Variants in ARL13B observed in about 807,000 individuals in gnomAD.
ARL13B encodes ADP-ribosylation factor-like protein 13B.
Under a neutral mutation model 56.1 loss-of-function variants are expected in ARL13B, and 36 were observed. That is an observed-to-expected ratio of 0.64 (90% confidence interval 0.49 to 0.85). The LOEUF is 0.85. Among genes scored for constraint, ARL13B ranks in the 40% least tolerant of loss-of-function variants. The pLI is 0.00. For synonymous variants in ARL13B, 178 were observed against 171.1 expected, an observed-to-expected ratio of 1.04 and a Z score of -0.32; for missense variants, 519 against 507.1, an observed-to-expected ratio of 1.02 and a Z score of -0.23.
In ARL13B at chr3:94,055,439, C is replaced by G; in HGVS notation, c.*2176C>G. ...TACACACAAAACTTTTTTCTCTCTG[C>G]AAGTTTTTATGTATGTGGGAAAGAA... On this transcript the variant is annotated 3_prime_UTR_variant, in exon 10 of 10. Transcript: ENST00000394222. 2.2e-6 allele frequency: 1 copy of G among 452,818 alleles called. No individual in the cohort carries two copies. Among genetic ancestry groups the G allele is most frequent in the South Asian group, 1.6e-5 (1 of 64,220 alleles). 28.1% of individuals were successfully genotyped at this position (452,818 alleles called of 1,614,324 possible).
In ARL13B at chr3:94,055,665, G is replaced by T; in HGVS notation, c.*2402G>T. 1 of 450,896 alleles carries T rather than the reference G, an allele frequency of 2.2e-6. No individual in the cohort carries two copies. Among genetic ancestry groups the T allele is most frequent in the Non-Finnish European group, 4.4e-6 (1 of 224,992 alleles). The allele number at this position is 450,896 out of a possible 1,614,324, so 27.9% of individuals were successfully genotyped here. On this transcript the variant is annotated 3_prime_UTR_variant, in exon 10 of 10. Coordinates refer to ENST00000394222, the MANE Select transcript of ARL13B (RefSeq NM_001174150.2). Reference sequence around the variant, plus strand: ...TAACTGACTTCAAATATAAAACTATGCATAGAAACAACACTAGAAAGAAAT... The same window carrying T: ...TAACTGACTTCAAATATAAAACTATTCATAGAAACAACACTAGAAAGAAAT...
rs146262259 is a variant in ARL13B, at chr3:94,024,462, C to T, written c.381-10869C>T. 2.2e-3 allele frequency among the ~76,000 whole-genome samples: 328 copies of T among 152,350 alleles called. 1 individual carries two copies. The highest frequency in any genetic ancestry group is 7.3e-3 in the African/African-American group (305 of 41,582). On this transcript the variant is annotated intron_variant, in intron 3 of 9. Transcript: ENST00000394222. ...GTAGCTTTTAACAATCTTTAATTTT[C>T]ACATTCCTCAAGAACTACAACATCT... is the stretch of plus-strand genomic sequence containing the variant.
chr3:93,996,366 G>A (rs1180732556), intron 2 of ARL13B, among the ~76,000 whole-genome samples: 1 of 152,016 alleles, frequency 6.6e-6, no homozygotes, highest in Non-Finnish European at 1.5e-5. Context: ...TGAATCTCTT[G>A]ATGCTTTTTT....
intron 3 of ARL13B, among the ~76,000 whole-genome samples, chr3:94,034,302 G>T (rs574479891): frequency 2.0e-5 from 3 of 151,968 alleles, no homozygotes; most frequent in South Asian, 4.2e-4. Context: ...GGTGGGAAGG[G>T]TTCGTTAGAT....
intron 7 of ARL13B, among the ~76,000 whole-genome samples, chr3:94,046,273 T>C (rs909465403): frequency 1.1e-4 from 16 of 152,118 alleles, no homozygotes; most frequent in African/African-American, 3.6e-4. Flanking sequence ...ATCCCTTCTT[T>C]CCTCCCCTCT....
chr3:93,999,293 G>A lies in ARL13B; in HGVS notation c.130+3349G>A, dbSNP rs187497814. On this transcript the variant is annotated intron_variant, in intron 2 of 9. Transcript: ENST00000394222. ...GTATCACTTTGTCATCTAGGCTGGA[G>A]TTCGGTGGCGTGATCATAGCTCACT... is the stretch of plus-strand genomic sequence containing the variant. 1.8e-3 allele frequency among the ~76,000 whole-genome samples: 277 copies of A among 151,976 alleles called. 2 individuals are homozygous for A. In the South Asian group the frequency reaches 0.019, roughly 11 times the overall value.
intron 1 of ARL13B, among the ~76,000 whole-genome samples, chr3:93,989,104 A>T (rs1710615995): frequency 6.6e-6 from 1 of 152,190 alleles, no homozygotes; most frequent in Non-Finnish European, 1.5e-5. Flanking sequence ...TAGTACCTTG[A>T]AACCATGAGC....
At chr3:93,996,836 G>A (rs911099104) in intron 2 of ARL13B, among the ~76,000 whole-genome samples, 7 of 152,002 alleles carry the variant, frequency 4.6e-5, no homozygotes, top group Non-Finnish European at 7.4e-5. Context: ...CTGGTTCTTA[G>A]GAACCAGCCC....
chr3:93,983,426 A>T lies in ARL13B; in HGVS notation c.59+2944A>T, dbSNP rs1710307585. 3.3e-5 allele frequency among the ~76,000 whole-genome samples: 5 copies of T among 152,176 alleles called. No individual in the cohort carries two copies. In the South Asian group the frequency reaches 1.0e-3, roughly 32 times the overall value. On this transcript the variant is annotated intron_variant, in intron 1 of 9. Transcript: ENST00000394222. Reference sequence around the variant, plus strand: ...TTGGTACGGCTCCATTCATGAATCAATGAATGTGGAAATAAACTCTTGAAA... The same window carrying T: ...TTGGTACGGCTCCATTCATGAATCATTGAATGTGGAAATAAACTCTTGAAA...
Position 94,043,077 on chromosome 3 carries a change from C to A in ARL13B, c.861C>A (p.Cys287Ter). The change falls in exon 7 of 10, where the codon TGC becomes TGA. Residue 287 changes from cysteine (C) to a stop codon, truncating the protein, a stop_gained. Coordinates refer to ENST00000394222, the MANE Select transcript of ARL13B (RefSeq NM_001174150.2). LOFTEE classifies it high-confidence loss of function. ...NQKMEKDSDG[C>*]HLKHKMEHEQ... The stretch of plus-strand genomic sequence containing the variant: ...AAATGGAGAAAGACAGTGATGGCTG[C>A]CACCTGAAACATAAAATGGAGCATG... 6.2e-7 allele frequency: 1 copy of A among 1,612,984 alleles called. No homozygotes were observed. Among genetic ancestry groups the A allele is most frequent in the Non-Finnish European group, 8.5e-7 (1 of 1,179,754 alleles).
At position 93,987,326 on chromosome 3, in the gene ARL13B, A is replaced by G. The variant is rs377437061; in HGVS notation, c.59+6844A>G. ...TGATATATTAATTTGTATATCCGTT[A>G]TATAAAAAGGAATTCTGAGATAAGA... On this transcript the variant is annotated intron_variant, in intron 1 of 9. Coordinates refer to ENST00000394222, the MANE Select transcript of ARL13B (RefSeq NM_001174150.2). 1.1e-4 allele frequency among the ~76,000 whole-genome samples: 16 copies of G among 152,290 alleles called. 1 individual carries two copies. In the South Asian group the frequency reaches 2.9e-3, roughly 28 times the overall value.
chr3:94,042,356 T>TA (rs2076877880), intron 6 of ARL13B, among the ~76,000 whole-genome samples: 1 of 152,048 alleles, frequency 6.6e-6, no homozygotes, highest in East Asian at 1.9e-4. Flanking sequence ...CAATTTAATC[T>TA]AAAAAAATTA....
chr3:94,046,908 T>C (rs907196395), intron 7 of ARL13B, among the ~76,000 whole-genome samples: 1 of 152,176 alleles, frequency 6.6e-6, no homozygotes, highest in African/African-American at 2.4e-5. Context: ...ATGTTCATGA[T>C]TTTTGGTATC....
intron 8 of ARL13B, 141 bp from the exon 9 acceptor site, chr3:94,050,683 C>T (rs2077052933): frequency 1.4e-6 from 1 of 691,084 alleles, no homozygotes; most frequent in Non-Finnish European, 2.4e-6. Flanking sequence ...AAATGGGTTT[C>T]TGGCTTTCCA....
At position 94,054,838 on chromosome 3, in the gene ARL13B, G is replaced by A; in HGVS notation, c.*1575G>A. On this transcript the variant is annotated 3_prime_UTR_variant, in exon 10 of 10. Coordinates refer to ENST00000394222, the MANE Select transcript of ARL13B (RefSeq NM_001174150.2). ...CGTAACAACCTAAATTTGAGAGGTG[G>A]CTGAAATGTGATGAAAAGCAATACG... The A allele has an allele frequency of 2.8e-6, 1 of 357,848 alleles. No homozygotes were observed. Among genetic ancestry groups the A allele is most frequent in the South Asian group, 2.2e-5 (1 of 45,466 alleles). 22.2% of individuals were successfully genotyped at this position (357,848 alleles called of 1,614,324 possible).
intron 1 of ARL13B, among the ~76,000 whole-genome samples, chr3:93,991,909 T>G (rs1159996296): frequency 6.6e-6 from 1 of 152,232 alleles, no homozygotes; most frequent in African/African-American, 2.4e-5. Context: ...CCCTAAAACA[T>G]TTAATTAAAG....
At chr3:94,011,811 AG>A (rs2076228955) in intron 3 of ARL13B, among the ~76,000 whole-genome samples, 1 of 152,072 alleles carries the variant, frequency 6.6e-6, no homozygotes, top group African/African-American at 2.4e-5. Context: ...TACTTTTTAT[AG>A]TACCTTATTC....
At chr3:93,995,665 GA>G (rs2075953936) in intron 1 of ARL13B, among the ~76,000 whole-genome samples, 1 of 152,002 alleles carries the variant, frequency 6.6e-6, no homozygotes, top group South Asian at 2.1e-4. Context: ...TTTGCTTAGA[GA>G]ACAAAAGGAT....
chr3:93,994,029 T>C (rs1338681509), intron 1 of ARL13B, among the ~76,000 whole-genome samples: 2 of 152,206 alleles, frequency 1.3e-5, no homozygotes, highest in African/African-American at 4.8e-5. Context: ...AGGTATGGGA[T>C]GGTTGAAACA....
Sources: allele counts gnomAD v4.1 joint callset (sites outside exome capture counted in the v4.1 genomes callset), GRCh38; gene constraint gnomAD v4.1.1; transcripts MANE v1.5; gene names NCBI Gene and HGNC (gene_info 2026-07-23, HGNC 2026-07-21).